The following GALNTL6 variants were observed in gnomAD, a reference collection of about 807,000 sequenced individuals.
GALNTL6 encodes polypeptide N-acetylgalactosaminyltransferase like 6.
Under a neutral mutation model 73.7 loss-of-function variants are expected in GALNTL6, and 46 were observed. The ratio of observed to expected loss-of-function variants is 0.62; its 90% CI spans 0.49 to 0.80. GALNTL6 has a LOEUF of 0.80. Ranked by LOEUF, GALNTL6 falls within the 30% of genes least tolerant of loss-of-function variation. GALNTL6 has a pLI of 0.00. For missense variants in GALNTL6, 604 were observed against 755.0 expected, an observed-to-expected ratio of 0.80 and a Z score of 2.34; for synonymous variants, 259 against 263.7, an observed-to-expected ratio of 0.98 and a Z score of 0.17.
chr4:172,741,475 A>G (rs375221169), intron 5 of GALNTL6, among the ~76,000 whole-genome samples: 58 of 152,072 alleles, frequency 3.8e-4, no homozygotes, highest in African/African-American at 1.3e-3. Context: ...ATACATACAC[A>G]TACATTTCAT....
chr4:172,183,335 G>A (rs1446584084), intron 2 of GALNTL6, among the ~76,000 whole-genome samples: 1 of 152,096 alleles, frequency 6.6e-6, no homozygotes, highest in African/African-American at 2.4e-5. Context: ...ATTAGTTGTG[G>A]GTATAGGGAT....
At chr4:172,317,768 T>C (rs183580372) in intron 4 of GALNTL6, among the ~76,000 whole-genome samples, 124 of 152,364 alleles carry the variant, frequency 8.1e-4, no homozygotes, top group Admixed American at 7.7e-3. Context: ...TAATTTTTTA[T>C]ATTTCTCAAT....
chr4:172,257,332 A>T (rs1738114463), intron 3 of GALNTL6, among the ~76,000 whole-genome samples: 1 of 151,196 alleles, frequency 6.6e-6, no homozygotes, highest in Non-Finnish European at 1.5e-5. Context: ...CTACGGTCCT[A>T]CTCAATTTTT....
chr4:172,253,062 A>G (rs1017631330), intron 3 of GALNTL6, among the ~76,000 whole-genome samples: 1 of 152,042 alleles, frequency 6.6e-6, no homozygotes, highest in Admixed American at 6.6e-5. Context: ...TATGATCATA[A>G]AAGTCTAAAA....
At chr4:172,833,717 C>T (rs905515218) in intron 7 of GALNTL6, among the ~76,000 whole-genome samples, 6 of 152,210 alleles carry the variant, frequency 3.9e-5, no homozygotes, top group Non-Finnish European at 8.8e-5. Flanking sequence ...TTATTAAAAA[C>T]AGCATTTCTT....
At chr4:172,595,500 C>G (rs1165214187) in intron 5 of GALNTL6, among the ~76,000 whole-genome samples, 1 of 152,076 alleles carries the variant, frequency 6.6e-6, no homozygotes, top group African/African-American at 2.4e-5. Context: ...TAAACACTTT[C>G]CACCCATATA....
chr4:172,487,558 T>G (rs1158912188), intron 5 of GALNTL6, among the ~76,000 whole-genome samples: 1 of 151,742 alleles, frequency 6.6e-6, no homozygotes, highest in African/African-American at 2.4e-5. Context: ...AGCTAATTCT[T>G]TGTATTTTTA....
chr4:172,957,594 A>G (rs1469054605), intron 10 of GALNTL6, among the ~76,000 whole-genome samples: 1 of 151,868 alleles, frequency 6.6e-6, no homozygotes, highest in Non-Finnish European at 1.5e-5. Context: ...GCAGTGAATG[A>G]CTCTAGCTTC....
At chr4:172,360,025 A>C (rs376413028) in intron 5 of GALNTL6, among the ~76,000 whole-genome samples, 2 of 152,328 alleles carry the variant, frequency 1.3e-5, no homozygotes, top group South Asian at 2.1e-4. Context: ...TATAAAATCC[A>C]GAAGAGGGCC....
intron 5 of GALNTL6, among the ~76,000 whole-genome samples, chr4:172,460,020 T>G (rs1732555141): frequency 6.6e-6 from 1 of 152,068 alleles, no homozygotes; most frequent in Admixed American, 6.6e-5. Context: ...AACAGATATA[T>G]AGACCAATGG....
rs6821713 is a variant in GALNTL6 at position 172,489,318 on chromosome 4, A to G, written c.553+140629A>G. Among the ~76,000 whole-genome samples the G allele has an allele frequency of 8.4e-3, 1,279 of 152,372 alleles. 11 individuals are homozygous for G. Among genetic ancestry groups the G allele is most frequent in the African/African-American group, 0.029 (1,210 of 41,606 alleles). On this transcript the variant is annotated intron_variant, in intron 5 of 12. Transcript: ENST00000506823. Reference sequence around the variant, plus strand: ...GATATATGAAAAGAAAAACATTAGCAAACCCATAAACAAATAGTGAGATAA... The same window carrying G: ...GATATATGAAAAGAAAAACATTAGCGAACCCATAAACAAATAGTGAGATAA...
chr4:172,333,438 A>T (rs560189498), intron 4 of GALNTL6, among the ~76,000 whole-genome samples: 2 of 152,202 alleles, frequency 1.3e-5, no homozygotes, highest in African/African-American at 4.8e-5. Flanking sequence ...ACAAAACAAA[A>T]AACGAAATGT....
At chr4:172,439,195 C>T (rs1375701175) in intron 5 of GALNTL6, among the ~76,000 whole-genome samples, 2 of 151,520 alleles carry the variant, frequency 1.3e-5, no homozygotes, top group African/African-American at 2.4e-5. Context: ...CACACACACA[C>T]ACACACACAC....
In GALNTL6 at chr4:172,927,728, T is replaced by G. The variant is rs1369465602; in HGVS notation, c.1042-3433T>G. 3.9e-5 allele frequency among the ~76,000 whole-genome samples: 6 copies of G among 152,288 alleles called. No individual in the cohort carries two copies. The East Asian group carries it at 1.2e-3, about 29-fold the overall frequency. On this transcript the variant is annotated intron_variant, in intron 8 of 12. Transcript: ENST00000506823. ...ATGACATCTCAGGTCCTTGGACTTT[T>G]TCACAATGGAGTAGCCTCAGAGAGT...
chr4:172,810,269 G>A (rs1741212865), intron 6 of GALNTL6, among the ~76,000 whole-genome samples: 1 of 152,142 alleles, frequency 6.6e-6, no homozygotes, highest in South Asian at 2.1e-4. Context: ...AGTAATTTAA[G>A]CTAGAAAACA....
chr4:172,933,310 A>C (rs1748449643), intron 9 of GALNTL6, among the ~76,000 whole-genome samples: 1 of 152,088 alleles, frequency 6.6e-6, no homozygotes. Context: ...CGTAGTCTAA[A>C]GTAGAGTGTA....
intron 5 of GALNTL6, among the ~76,000 whole-genome samples, chr4:172,594,629 T>G (rs546537451): frequency 5.3e-5 from 8 of 152,346 alleles, no homozygotes; most frequent in African/African-American, 1.7e-4. Context: ...CATTTCAATT[T>G]TATGCCTTTT....
At chr4:172,064,652 C>T (rs929813228) in intron 2 of GALNTL6, among the ~76,000 whole-genome samples, 4 of 152,114 alleles carry the variant, frequency 2.6e-5, no homozygotes, top group African/African-American at 9.7e-5. Flanking sequence ...TATGGGATTG[C>T]CCCCTCCTTG....
intron 2 of GALNTL6, among the ~76,000 whole-genome samples, chr4:171,941,256 C>T (rs1738535213): frequency 6.6e-6 from 1 of 152,172 alleles, no homozygotes; most frequent in African/African-American, 2.4e-5. Context: ...TAGAACTCTC[C>T]ACCTTACAGG....
Sources: gnomAD v4.1 joint callset for allele counts (sites outside exome capture counted in the v4.1 genomes callset) on GRCh38, gnomAD v4.1.1 for gene constraint, MANE v1.5 for transcripts, NCBI Gene and HGNC (gene_info 2026-07-23, HGNC 2026-07-21) for gene names.